PCDHA4: variants seen among roughly 807,000 people sequenced by gnomAD.
PCDHA4 encodes protocadherin alpha 4.
A neutral mutation model predicts 61.4 loss-of-function variants in PCDHA4; 49 were observed. The observed-to-expected ratio is 0.80, with a 90% CI of 0.63 to 1.01. The LOEUF is 1.01. Ranked by LOEUF, PCDHA4 falls within the 50% of genes least tolerant of loss-of-function variation. The pLI is 0.00. For missense variants in PCDHA4, 1,254 were observed against 1,235.8 expected, an observed-to-expected ratio of 1.01 and a Z score of -0.22; for synonymous variants, 590 against 550.3, an observed-to-expected ratio of 1.07 and a Z score of -1.01.
intron 1 of PCDHA4, chr5:140,824,109 T>A: frequency 6.2e-7 from 1 of 1,614,074 alleles, no homozygotes; most frequent in South Asian, 1.1e-5. Flanking sequence ...TTCCTCAGGG[T>A]CCCACCTCTA....
At chr5:140,941,023 T>C (rs2153648150) in intron 1 of PCDHA4, among the ~76,000 whole-genome samples, 1 of 152,338 alleles carries the variant, frequency 6.6e-6, no homozygotes, top group African/African-American at 2.4e-5. Flanking sequence ...ATTTTCCTTC[T>C]GGCCTTTTTG....
intron 1 of PCDHA4, among the ~76,000 whole-genome samples, chr5:140,914,395 C>G (rs781878941): frequency 6.6e-6 from 1 of 152,082 alleles, no homozygotes; most frequent in African/African-American, 2.4e-5. Context: ...TGTAGTTACC[C>G]CTGCTCCTGT....
chr5:140,887,385 C>T (rs1015937560), intron 1 of PCDHA4, among the ~76,000 whole-genome samples: 3 of 152,124 alleles, frequency 2.0e-5, no homozygotes, highest in Admixed American at 6.5e-5. Context: ...TGTGAGCCAC[C>T]GCGCCCGGCT....
At chr5:140,879,180 G>C (rs1459369751) in intron 1 of PCDHA4, among the ~76,000 whole-genome samples, 14 of 152,206 alleles carry the variant, frequency 9.2e-5, no homozygotes, top group African/African-American at 3.4e-4. Context: ...TAGGTATCAA[G>C]TAATGGAGAC....
At chr5:140,965,281 G>A (rs574183012) in intron 1 of PCDHA4, among the ~76,000 whole-genome samples, 1 of 152,310 alleles carries the variant, frequency 6.6e-6, no homozygotes, top group African/African-American at 2.4e-5. Flanking sequence ...GACACAGCAT[G>A]GAAAGATTTC....
Position 140,841,614 on chromosome 5 carries a change from G to A in PCDHA4, c.2385+32042G>A, listed in dbSNP as rs144868773. On this transcript the variant is annotated intron_variant, in intron 1 of 3. Transcript: ENST00000530339. The stretch of plus-strand genomic sequence containing the variant: ...ATCGACCGCGAGGAGCTGTGCGGGC[G>A]GAGCGCGGAGTGCAGCATCCACCTG... 3,076 of 1,614,122 alleles carry A rather than the reference G, an allele frequency of 1.9e-3. 76 individuals carry two copies. The African/African-American group carries it at 0.036, about 19-fold the overall frequency.
Position 140,808,905 on chromosome 5 carries a change from C to A in PCDHA4, c.1718C>A (p.Thr573Asn). ...PALLAPRAGGTGGAVSELVPW... is the reference protein window; with the variant it reads ...PALLAPRAGGNGGAVSELVPW... ...CTGCTAGCGCCTCGGGCGGGTGGCA[C>A]TGGTGGCGCAGTGAGCGAGCTGGTG... Residue 573 changes from threonine to asparagine, a missense_variant, in exon 1 of 4, where the codon ACT (threonine) becomes AAT (asparagine). Physicochemically the swap from Thr to Asn is moderately conservative, Grantham distance 65. Transcript: ENST00000530339. 6.2e-7 allele frequency: 1 copy of A among 1,613,538 alleles called. No individual in the cohort carries two copies. Among genetic ancestry groups the A allele is most frequent in the Non-Finnish European group, 8.5e-7 (1 of 1,179,850 alleles).
chr5:140,955,359 C>A (rs1390938554), intron 1 of PCDHA4, among the ~76,000 whole-genome samples: 1 of 151,992 alleles, frequency 6.6e-6, no homozygotes, highest in African/African-American at 2.4e-5. Context: ...TGAGAGGGAC[C>A]CAGTGGGAGG....
intron 1 of PCDHA4, chr5:140,822,814 C>T: frequency 8.1e-6 from 13 of 1,614,100 alleles, no homozygotes; most frequent in South Asian, 2.2e-5. Context: ...TGATAATACC[C>T]CAGAGATGGC....
intron 1 of PCDHA4, chr5:140,859,840 A>G (rs989673306): frequency 6.6e-6 from 1 of 152,134 alleles, no homozygotes; most frequent in South Asian, 2.1e-4. Flanking sequence ...TTGTTATTTT[A>G]TCAAATAGGT....
chr5:140,827,752 C>A (rs1357431971), intron 1 of PCDHA4, among the ~76,000 whole-genome samples: 1 of 152,200 alleles, frequency 6.6e-6, no homozygotes, highest in Non-Finnish European at 1.5e-5. Context: ...AGATCCCTTA[C>A]TTTAAATTAA....
At position 140,850,414 on chromosome 5, in the gene PCDHA4, C is replaced by T. The variant is rs2150483197; in HGVS notation, c.2385+40842C>T. The T allele has an allele frequency of 3.9e-5, 62 of 1,597,814 alleles. 5 individuals are homozygous for T. Among genetic ancestry groups the T allele is most frequent in the African/African-American group, 6.7e-5 (5 of 74,310 alleles). ...AGCACAACGCGTGCCCTGGACGAAA[C>T]GGACGCACCGCGCCAGCGCCTACTG... On this transcript the variant is annotated intron_variant, in intron 1 of 3. Coordinates refer to ENST00000530339, the MANE Select transcript of PCDHA4 (RefSeq NM_018907.4).
intron 1 of PCDHA4, among the ~76,000 whole-genome samples, chr5:140,919,657 A>G (rs1341455821): frequency 3.9e-5 from 6 of 152,258 alleles, no homozygotes; most frequent in Non-Finnish European, 8.8e-5. Flanking sequence ...AGTTTACCAT[A>G]TATATTTTAG....
At chr5:141,002,474 C>T (rs141241701) in intron 3 of PCDHA4, among the ~76,000 whole-genome samples, 65 of 152,334 alleles carry the variant, frequency 4.3e-4, no homozygotes, top group African/African-American at 1.3e-3. Flanking sequence ...TTAGCATTTT[C>T]AAAGGATGAC....
At chr5:140,930,778 T>G (rs891094443) in intron 1 of PCDHA4, among the ~76,000 whole-genome samples, 1 of 152,200 alleles carries the variant, frequency 6.6e-6, no homozygotes, top group African/African-American at 2.4e-5. Flanking sequence ...CTTAATATTT[T>G]CACAATATAA....
In PCDHA4 at chr5:140,850,201, G is replaced by A. The variant is rs202136378; in HGVS notation, c.2385+40629G>A. The A allele has an allele frequency of 1.6e-5, 25 of 1,593,494 alleles. 3 individuals carry two copies. Among genetic ancestry groups the A allele is most frequent in the Middle Eastern group, 2.1e-4 (1 of 4,666 alleles). On this transcript the variant is annotated intron_variant, in intron 1 of 3. Coordinates refer to ENST00000530339, the MANE Select transcript of PCDHA4 (RefSeq NM_018907.4). ...AATGCGCCGGCGCTGCTGACACCTC[G>A]GATGAGGGGCACTGACGGCGCAGTG...
chr5:140,895,820 T>A (rs1409721318), intron 1 of PCDHA4, among the ~76,000 whole-genome samples: 2 of 152,156 alleles, frequency 1.3e-5, no homozygotes, highest in Non-Finnish European at 2.9e-5. Context: ...TATTGTATTG[T>A]ATTTTTTTCA....
In PCDHA4 at chr5:141,010,166, A is replaced by G; in HGVS notation, c.*229A>G. 1 of 1,562,828 alleles carries G rather than the reference A, an allele frequency of 6.4e-7. No homozygotes were observed. The highest frequency in any genetic ancestry group is 8.7e-7 in the Non-Finnish European group (1 of 1,152,678). ...TCTCTCCACTCTGGCTTGTTTTCAG[A>G]ACCTAAAAAGCAGACCCAAGTTTCC... On this transcript the variant is annotated 3_prime_UTR_variant, in exon 4 of 4. Transcript: ENST00000530339.
rs530428922 is a variant in PCDHA4, at chr5:140,875,375, A to G, written c.2385+65803A>G. On this transcript the variant is annotated intron_variant, in intron 1 of 3. Transcript: ENST00000530339. ...TGTGATGCTGGAAAAAATTTACTAA[A>G]TATGTACTTACAGAAAAGGGTGACT... 70 of 1,456,838 alleles carry G rather than the reference A, an allele frequency of 4.8e-5. No individual in the cohort carries two copies. The African/African-American group carries it at 9.9e-4, about 21-fold the overall frequency. The allele number at this position is 1,456,838 out of a possible 1,614,324, so 90.2% of individuals were successfully genotyped here. A position where few individuals can be genotyped will look rare whatever the true frequency, so the allele number is the denominator to read the frequency against.
Sources: allele counts gnomAD v4.1 joint callset (sites outside exome capture counted in the v4.1 genomes callset), GRCh38; gene constraint gnomAD v4.1.1; transcripts MANE v1.5; gene names NCBI Gene and HGNC (gene_info 2026-07-23, HGNC 2026-07-21).